The following ST6GAL2 variants were observed in gnomAD, a reference collection of about 807,000 sequenced individuals.
The protein encoded by ST6GAL2 is ST6 beta-galactoside alpha-2,6-sialyltransferase 2.
In ST6GAL2, 24 loss-of-function variants were observed where a neutral mutation model predicts 37.5. The observed-to-expected ratio is 0.64, with a 90% CI of 0.46 to 0.90. The LOEUF (loss-of-function observed/expected upper bound fraction) is 0.90, where lower values mean the gene tolerates loss of function less well. Ranked by LOEUF, ST6GAL2 falls within the 40% of genes least tolerant of loss-of-function variation. The pLI is 0.00. For missense variants in ST6GAL2, 715 were observed against 712.7 expected, an observed-to-expected ratio of 1.00 and a Z score of -0.04; for synonymous variants, 306 against 295.1, an observed-to-expected ratio of 1.04 and a Z score of -0.38.
In ST6GAL2 at chr2:106,851,165, C is replaced by A. The variant is rs771099095; in HGVS notation, c.-57-7131G>T. Among the ~76,000 whole-genome samples, 3 of 152,202 alleles carry A rather than the reference C, an allele frequency of 2.0e-5. No homozygotes were observed. The South Asian group carries it at 6.2e-4, about 32-fold the overall frequency. Reference sequence around the variant, plus strand: ...CTGAATTCCCAGTGGATGTTCTCTGCCTATTTGGACTACTTTTTTCTATTT... The same window carrying A: ...CTGAATTCCCAGTGGATGTTCTCTGACTATTTGGACTACTTTTTTCTATTT... On this transcript the variant is annotated intron_variant, in intron 1 of 5. Coordinates refer to ENST00000409382, the MANE Select transcript of ST6GAL2 (RefSeq NM_001142351.2).
In ST6GAL2 at chr2:106,843,729, G is replaced by C; in HGVS notation, c.249C>G (p.Ala83=). 1 of 1,612,670 alleles carries C rather than the reference G, an allele frequency of 6.2e-7. No individual in the cohort carries two copies. Among genetic ancestry groups the C allele is most frequent in the Non-Finnish European group, 8.5e-7 (1 of 1,179,800 alleles). The change falls in exon 2 of 6, where the codon GCC becomes GCG. Residue 83 remains alanine (A), a synonymous_variant. Transcript: ENST00000409382. The stretch of plus-strand genomic sequence containing the variant: ...CCGCATGAAAGGAACCGGCTGGGTG[G>C]GCGCGGGGCAGCGCCTGGCGTGCGT... ...GLDARQALPR[A]HPAGSFHAGP...
chr2:106,866,253 C>A (rs1374239777), intron 1 of ST6GAL2, among the ~76,000 whole-genome samples: 1 of 152,066 alleles, frequency 6.6e-6, no homozygotes, highest in African/African-American at 2.4e-5. Context: ...CATGTGGGAC[C>A]CGACACCCAG....
At chr2:106,875,067 A>G (rs1419115912) in intron 1 of ST6GAL2, among the ~76,000 whole-genome samples, 1 of 152,230 alleles carries the variant, frequency 6.6e-6, no homozygotes, top group Admixed American at 6.5e-5. Flanking sequence ...TCTGATTTTC[A>G]TTAGGCAGTC....
At chr2:106,849,156 C>G (rs541886925) in intron 1 of ST6GAL2, among the ~76,000 whole-genome samples, 2 of 152,176 alleles carry the variant, frequency 1.3e-5, no homozygotes, top group Non-Finnish European at 2.9e-5. Flanking sequence ...AAACTCTGTA[C>G]TTAATCATAT....
At chr2:106,871,422 T>G (rs1321668598) in intron 1 of ST6GAL2, among the ~76,000 whole-genome samples, 1 of 152,208 alleles carries the variant, frequency 6.6e-6, no homozygotes, top group African/African-American at 2.4e-5. Flanking sequence ...TGGTTTTCTT[T>G]CTTCAATAAT....
At chr2:106,846,312 T>C (rs1677143720) in intron 1 of ST6GAL2, among the ~76,000 whole-genome samples, 1 of 152,354 alleles carries the variant, frequency 6.6e-6, no homozygotes, top group African/African-American at 2.4e-5. Flanking sequence ...TATATACCTA[T>C]ATATGTATTT....
rs937621003 is a variant in ST6GAL2, at chr2:106,863,945, A to G, written c.-57-19911T>C. ...TCTAAGGAGGTGTGTTTAAAACGCAACTACCTGGGTTCTATCCCAGACTCA... is the reference window on the plus strand; with the variant it reads ...TCTAAGGAGGTGTGTTTAAAACGCAGCTACCTGGGTTCTATCCCAGACTCA... On this transcript the variant is annotated intron_variant, in intron 1 of 5. Coordinates refer to ENST00000409382, the MANE Select transcript of ST6GAL2 (RefSeq NM_001142351.2). 4.6e-5 allele frequency among the ~76,000 whole-genome samples: 7 copies of G among 152,174 alleles called. No individual in the cohort carries two copies. In the East Asian group the frequency reaches 5.8e-4, roughly 13 times the overall value.
At chr2:106,875,168 T>A (rs13005899) in intron 1 of ST6GAL2, among the ~76,000 whole-genome samples, 11,664 of 148,888 alleles carry the variant, frequency 0.078, 1,008 homozygotes, top group East Asian at 0.45. Context: ...TTTACTTTTT[T>A]TGTTTCTTTT....
chr2:106,839,477 G>T (rs1676787640), intron 2 of ST6GAL2, among the ~76,000 whole-genome samples: 1 of 152,150 alleles, frequency 6.6e-6, no homozygotes, highest in Non-Finnish European at 1.5e-5. Context: ...TTGAGCCTGT[G>T]ACCTATTCAT....
intron 4 of ST6GAL2, among the ~76,000 whole-genome samples, chr2:106,830,670 T>C (rs1676386735): frequency 6.6e-6 from 1 of 152,206 alleles, no homozygotes; most frequent in African/African-American, 2.4e-5. Context: ...AGGTGGTGGC[T>C]AGATTTCGCC....
At chr2:106,874,627 T>C (rs146454243) in intron 1 of ST6GAL2, among the ~76,000 whole-genome samples, 17 of 152,266 alleles carry the variant, frequency 1.1e-4, no homozygotes, top group African/African-American at 3.8e-4. Flanking sequence ...AATTCTAATA[T>C]AAAATGCTCT....
intron 1 of ST6GAL2, among the ~76,000 whole-genome samples, chr2:106,863,563 T>C (rs1490070714): frequency 6.6e-6 from 1 of 152,108 alleles, no homozygotes; most frequent in Non-Finnish European, 1.5e-5. Context: ...GTGGCACCTG[T>C]AGAACGTGTA....
At chr2:106,856,943 T>G (rs933867726) in intron 1 of ST6GAL2, among the ~76,000 whole-genome samples, 4 of 152,196 alleles carry the variant, frequency 2.6e-5, no homozygotes, top group African/African-American at 9.7e-5. Context: ...ATTTTTGGTT[T>G]CATAAAATAA....
chr2:106,879,131 T>G (rs1303121618), intron 1 of ST6GAL2, among the ~76,000 whole-genome samples: 1 of 152,122 alleles, frequency 6.6e-6, no homozygotes, highest in African/African-American at 2.4e-5. Context: ...TGGTTCTACA[T>G]CGAATACCGT....
upstream of ST6GAL2, chr2:106,886,282 C>G (rs984157024): frequency 1.3e-5 from 2 of 152,168 alleles, no homozygotes; most frequent in Non-Finnish European, 2.9e-5. Context: ...GGCCGGGGTC[C>G]CCGACTCACG....
intron 4 of ST6GAL2, among the ~76,000 whole-genome samples, chr2:106,830,768 G>A (rs1260452447): frequency 1.3e-5 from 2 of 152,168 alleles, no homozygotes; most frequent in African/African-American, 2.4e-5. Context: ...AACAGAAATT[G>A]TATCGTTGCT....
At chr2:106,874,861 G>A (rs988845513) in intron 1 of ST6GAL2, among the ~76,000 whole-genome samples, 3 of 152,198 alleles carry the variant, frequency 2.0e-5, no homozygotes, top group Non-Finnish European at 4.4e-5. Flanking sequence ...GCCAGCATTT[G>A]CAGCAGCAGG....
In ST6GAL2 at chr2:106,806,498, A is replaced by T. The variant is rs937160645; in HGVS notation, c.*180T>A. On this transcript the variant is annotated 3_prime_UTR_variant, in exon 6 of 6. Coordinates refer to ENST00000409382, the MANE Select transcript of ST6GAL2 (RefSeq NM_001142351.2). The stretch of plus-strand genomic sequence containing the variant: ...TTATTTTTTTAAAAAAACCATTTCT[A>T]TGTTCAAAGCAGTAATACATACTCA... 3 of 687,286 alleles carry T rather than the reference A, an allele frequency of 4.4e-6. No homozygotes were observed. Among genetic ancestry groups the T allele is most frequent in the Non-Finnish European group, 4.6e-6 (2 of 433,230 alleles). 42.6% of individuals were successfully genotyped at this position (687,286 alleles called of 1,614,324 possible).
At chr2:106,837,827 A>T (rs1167321370) in intron 2 of ST6GAL2, among the ~76,000 whole-genome samples, 1 of 152,192 alleles carries the variant, frequency 6.6e-6, no homozygotes, top group Non-Finnish European at 1.5e-5. Flanking sequence ...GCTCTAAACC[A>T]TCCAAGGACT....
Sources: allele counts gnomAD v4.1 joint callset (sites outside exome capture counted in the v4.1 genomes callset), GRCh38; gene constraint gnomAD v4.1.1; transcripts MANE v1.5; gene names NCBI Gene and HGNC (gene_info 2026-07-23, HGNC 2026-07-21).